LONRF2: variants seen among roughly 807,000 people sequenced by gnomAD.
LONRF2 encodes the protein LON peptidase N-terminal domain and ring finger 2, also known as LON peptidase N-terminal domain and RING finger protein 2.
In LONRF2, 35 loss-of-function variants were observed where a neutral mutation model predicts 66.6. That is an observed-to-expected ratio of 0.53 (90% confidence interval 0.40 to 0.70). The LOEUF (loss-of-function observed/expected upper bound fraction) is 0.70. Among genes scored for constraint, LONRF2 ranks in the 30% least tolerant of loss-of-function variants. LONRF2 has a pLI of 0.00. For missense variants in LONRF2, 902 were observed against 1,002.1 expected (o/e 0.90, Z 1.35); for synonymous variants, 417 against 418.1 (o/e 1.00, Z 0.03).
At chr2:100,291,188 A>T (rs76716978) in intron 9 of LONRF2, among the ~76,000 whole-genome samples, 2 of 138,308 alleles carry the variant, frequency 1.4e-5, no homozygotes, top group East Asian at 4.6e-4. Flanking sequence ...TTTTTTTTTT[A>T]AACAAATTGC....
rs1573104726 is a variant in LONRF2, at chr2:100,279,372, A to G, written c.*4926T>C. The G allele has an allele frequency of 6.7e-6, 1 of 149,494 alleles. No individual in the cohort carries two copies. Among genetic ancestry groups the G allele is most frequent in the Non-Finnish European group, 1.5e-5 (1 of 67,242 alleles). 9.3% of individuals were successfully genotyped at this position (149,494 alleles called of 1,614,324 possible). A position where few individuals can be genotyped will look rare whatever the true frequency, so the allele number is the denominator to read the frequency against. Reference sequence around the variant, plus strand: ...TACATTCTTGACTAATGCCACACACATGAGAGACTCAGCTATGGGCCAGCC... The same window carrying G: ...TACATTCTTGACTAATGCCACACACGTGAGAGACTCAGCTATGGGCCAGCC... On this transcript the variant is annotated 3_prime_UTR_variant, in exon 12 of 12. Transcript: ENST00000393437.
chr2:100,313,770 A>T (rs1675452757), intron 1 of LONRF2, among the ~76,000 whole-genome samples: 1 of 152,118 alleles, frequency 6.6e-6, no homozygotes. Context: ...GGTAACCACC[A>T]TTCTCACCTC....
chr2:100,284,393 C>A lies in LONRF2; in HGVS notation c.2170G>T (p.Glu724Ter). The change falls in exon 12 of 12, where the codon GAG (glutamate) becomes TAG (stop). Residue 724 changes from glutamate to a stop codon, truncating the protein, a stop_gained. Coordinates refer to ENST00000393437, the MANE Select transcript of LONRF2 (RefSeq NM_198461.4). LOFTEE classifies it low-confidence loss of function (END_TRUNC). ...LAILGMTSLKERLLAIRRILV... is the reference protein window; with the variant it reads ...LAILGMTSLK ...ATCCGTCGGATGGCAAGGAGCCGCTCTTTGAGCGAGGTCATGCCGAGGATG... is the reference window on the plus strand; with the variant it reads ...ATCCGTCGGATGGCAAGGAGCCGCTATTTGAGCGAGGTCATGCCGAGGATG... The A allele has an allele frequency of 6.2e-7, 1 of 1,602,470 alleles. No individual in the cohort carries two copies. The highest frequency in any genetic ancestry group is 8.5e-7 in the Non-Finnish European group (1 of 1,174,594).
At chr2:100,309,018 G>T in intron 2 of LONRF2, 89 bp downstream of exon 2, 1 of 837,404 alleles carries the variant, frequency 1.2e-6, no homozygotes, top group Non-Finnish European at 1.9e-6. Context: ...TTGTCTATAG[G>T]TACCTGATCA....
At chr2:100,286,887 A>C (rs1047083675) in intron 11 of LONRF2, 27 bp downstream of exon 11, 5 of 1,608,254 alleles carry the variant, frequency 3.1e-6, no homozygotes, top group Non-Finnish European at 4.2e-6. Flanking sequence ...AAGTAACAGA[A>C]TTATAAAGGA....
At chr2:100,316,306 G>A (rs1307329562) in intron 1 of LONRF2, among the ~76,000 whole-genome samples, 1 of 102,374 alleles carries the variant, frequency 9.8e-6, no homozygotes, top group Non-Finnish European at 1.7e-5. Flanking sequence ...GCAACAGAGC[G>A]AGACTCCATC....
intron 1 of LONRF2, among the ~76,000 whole-genome samples, chr2:100,313,235 C>T (rs919143999): frequency 8.5e-5 from 13 of 152,180 alleles, no homozygotes; most frequent in African/African-American, 3.1e-4. Flanking sequence ...TGGCTCACGC[C>T]TGTAATCCCA....
chr2:100,303,426 A>C (rs11687352), intron 2 of LONRF2, among the ~76,000 whole-genome samples: 74,009 of 152,066 alleles, frequency 0.49, 18,364 homozygotes, highest in East Asian at 0.73. Flanking sequence ...CACGACTAAA[A>C]ACAATTACAA....
rs576293601 is a variant in LONRF2, at chr2:100,282,895, T to A, written c.*1403A>T. 6 of 151,876 alleles carry A rather than the reference T, an allele frequency of 4.0e-5. No individual in the cohort carries two copies. Among genetic ancestry groups the A allele is most frequent in the Admixed American group, 6.6e-5 (1 of 15,254 alleles). 9.4% of individuals were successfully genotyped at this position (151,876 alleles called of 1,614,324 possible). The stretch of plus-strand genomic sequence containing the variant: ...GAAAAATTAATAATATTATAAAGTC[T>A]TTCTAATAAAATGCTTGATGGATTG... On this transcript the variant is annotated 3_prime_UTR_variant, in exon 12 of 12. Transcript: ENST00000393437.
At chr2:100,300,176 T>TACAC (rs1208629056) in intron 4 of LONRF2, among the ~76,000 whole-genome samples, 2 of 150,142 alleles carry the variant, frequency 1.3e-5, no homozygotes, top group South Asian at 4.2e-4. Flanking sequence ...TCTATCTATC[T>TACAC]ACACACACAC....
chr2:100,316,105 G>A (rs1675500177), intron 1 of LONRF2, among the ~76,000 whole-genome samples: 1 of 151,958 alleles, frequency 6.6e-6, no homozygotes. Flanking sequence ...CAGATCACGA[G>A]GTCAGAGATC....
At chr2:100,286,464 G>C (rs958336575) in intron 11 of LONRF2, among the ~76,000 whole-genome samples, 1 of 152,232 alleles carries the variant, frequency 6.6e-6, no homozygotes, top group East Asian at 1.9e-4. Context: ...CAGCTGGGCA[G>C]CAGGGTACTT....
chr2:100,309,169 T>A lies in LONRF2; in HGVS notation c.736A>T (p.Asn246Tyr). The A allele has an allele frequency of 6.2e-7, 1 of 1,609,128 alleles. No individual in the cohort carries two copies. The highest frequency in any genetic ancestry group is 8.5e-7 in the Non-Finnish European group (1 of 1,178,574). ...LRAELYLTMK[N>Y]YEQALQDASA... ...GCATCTTGGAGAGCTTGCTCATAGT[T>A]CTTCATGGTCAAATATAACTCCGCC... is the stretch of plus-strand genomic sequence containing the variant. Residue 246 changes from asparagine (N) to tyrosine (Y), a missense_variant, in exon 2 of 12, where the codon AAC becomes TAC. Physicochemically the swap from Asn to Tyr is moderately radical, Grantham distance 143. Around this residue, in one of 2 missense-constraint regions of LONRF2, gnomAD observed 585 missense variants for 569.9 expected, o/e 1.03. Transcript: ENST00000393437.
chr2:100,318,635 C>T (rs1234773323), intron 1 of LONRF2, among the ~76,000 whole-genome samples: 3 of 148,248 alleles, frequency 2.0e-5, no homozygotes, highest in Non-Finnish European at 3.0e-5. Context: ...GAGATCAGCC[C>T]GGACAACATA....
intron 2 of LONRF2, among the ~76,000 whole-genome samples, chr2:100,307,075 C>T (rs948219188): frequency 1.3e-5 from 2 of 152,136 alleles, no homozygotes; most frequent in Middle Eastern, 3.4e-3. Flanking sequence ...CGCCCGCCAC[C>T]ATGCCCAGCT....
rs1674775263 is a variant in LONRF2 at position 100,283,191 on chromosome 2, G to GTT, written c.*1106_*1107insAA. ...TACTGTCCTTTAACAGATAACACCTGGTCTGATCACCGTAAAACTTTCTTT... is the reference window on the plus strand; with the variant it reads ...TACTGTCCTTTAACAGATAACACCTGTTGTCTGATCACCGTAAAACTTTCTTT... On this transcript the variant is annotated 3_prime_UTR_variant, in exon 12 of 12. Coordinates refer to ENST00000393437, the MANE Select transcript of LONRF2 (RefSeq NM_198461.4). The GTT allele has an allele frequency of 6.6e-6, 1 of 151,988 alleles. No homozygotes were observed. The highest frequency in any genetic ancestry group is 2.4e-5 in the African/African-American group (1 of 41,388). The allele number at this position is 151,988 out of a possible 1,614,324, so 9.4% of individuals were successfully genotyped here. A position where few individuals can be genotyped will look rare whatever the true frequency, so the allele number is the denominator to read the frequency against.
At chr2:100,318,785 T>TG (rs1675562441) in intron 1 of LONRF2, among the ~76,000 whole-genome samples, 1 of 148,502 alleles carries the variant, frequency 6.7e-6, no homozygotes, top group African/African-American at 2.5e-5. Context: ...GTGACCGATA[T>TG]CATGTCACTG....
chr2:100,318,015 T>A (rs1234270546), intron 1 of LONRF2, among the ~76,000 whole-genome samples: 1 of 152,240 alleles, frequency 6.6e-6, no homozygotes, highest in East Asian at 1.9e-4. Context: ...TCTCATCAGA[T>A]TTGGAAAATT....
At chr2:100,301,209 C>T (rs927729857) in intron 3 of LONRF2, among the ~76,000 whole-genome samples, 1 of 152,126 alleles carries the variant, frequency 6.6e-6, no homozygotes, top group Non-Finnish European at 1.5e-5. Flanking sequence ...AGAAGACCCA[C>T]CTCGTAAAGA....
Sources: gnomAD v4.1 joint callset for allele counts (sites outside exome capture counted in the v4.1 genomes callset) on GRCh38, gnomAD v4.1.1 for gene constraint, gnomAD v4.1.1 regional missense constraint, MANE v1.5 for transcripts, NCBI Gene and HGNC (gene_info 2026-07-23, HGNC 2026-07-21) for gene names.